Variants in NUP210 observed in about 807,000 individuals in gnomAD.
NUP210 encodes nucleoporin 210.
A neutral mutation model predicts 196.0 loss-of-function variants in NUP210; 151 were observed. The ratio of observed to expected loss-of-function variants is 0.77; its 90% confidence interval spans 0.67 to 0.88. NUP210 has a LOEUF of 0.88. NUP210 is among the 40% of genes least tolerant of loss of function. The probability of loss-of-function intolerance (pLI) is 0.00; values close to 1 mark genes in which losing one functional copy is unlikely to be tolerated. For synonymous variants in NUP210, 1,070 were observed against 1,052.7 expected (o/e 1.02, Z -0.32); for missense variants, 2,314 against 2,493.7 (o/e 0.93, Z 1.53).
chr3:13,319,405 T>TAGGG, intron 37 of NUP210, 80 bp from the exon 38 acceptor site: 1 of 1,187,098 alleles, frequency 8.4e-7, no homozygotes, highest in Non-Finnish European at 1.2e-6. Flanking sequence ...CTACTGTACG[T>TAGGG]CTACAGGGCA....
chr3:13,391,146 G>A (rs1699477226), intron 4 of NUP210, 65 bp downstream of exon 4: 2 of 1,138,886 alleles, frequency 1.8e-6, no homozygotes, highest in Non-Finnish European at 2.6e-6. Flanking sequence ...CTGGTGAGGA[G>A]CTCACAGGTG....
chr3:13,415,066 T>C (rs1576433231), intron 1 of NUP210, among the ~76,000 whole-genome samples: 1 of 152,096 alleles, frequency 6.6e-6, no homozygotes. Flanking sequence ...TGAAACCCTG[T>C]CTCTACTAAA....
chr3:13,419,678 T>G (rs6795838), intron 1 of NUP210, among the ~76,000 whole-genome samples: 98,659 of 152,024 alleles, frequency 0.65, 33,441 homozygotes, highest in African/African-American at 0.85. Context: ...GGTCCCAGAC[T>G]CAAGGGAAGT....
intron 20 of NUP210, among the ~76,000 whole-genome samples, chr3:13,345,451 C>T (rs1697684245): frequency 6.6e-6 from 1 of 152,214 alleles, no homozygotes; most frequent in Admixed American, 6.5e-5. Context: ...AGGCCTCCTG[C>T]AGCCAGAACG....
Position 13,360,490 on chromosome 3 carries a change from G to A in NUP210, c.1934C>T (p.Ala645Val). ...ITIAAYLPLK[A>V]VDPSSVALVT... The stretch of plus-strand genomic sequence containing the variant: ...CAAGGCAACAGAGGAGGGATCCACA[G>A]CCTGGGGACAGAAGAGGCAGAAGAC... The change falls in exon 15 of 40, where the codon GCT becomes GTT. Residue 645 changes from alanine (A) to valine (V), a missense_variant and splice_region_variant. Transcript: ENST00000254508. 3.1e-6 allele frequency: 5 copies of A among 1,606,238 alleles called. No homozygotes were observed. The highest frequency in any genetic ancestry group is 3.4e-6 in the Non-Finnish European group (4 of 1,176,182).
intron 31 of NUP210, among the ~76,000 whole-genome samples, chr3:13,328,073 G>T (rs559679764): frequency 6.6e-6 from 1 of 152,346 alleles, no homozygotes; most frequent in South Asian, 2.1e-4. Flanking sequence ...TGCTGACTAG[G>T]TCTCTATCAG....
intron 1 of NUP210, among the ~76,000 whole-genome samples, chr3:13,413,049 G>A (rs573489634): frequency 2.6e-5 from 4 of 152,090 alleles, no homozygotes; most frequent in African/African-American, 9.6e-5. Flanking sequence ...GGCAGATCAC[G>A]AGGTCAGGAG....
rs1467240558 is a variant in NUP210, at chr3:13,353,907, C to T, written c.2521+8G>A. On this transcript the variant is annotated splice_region_variant and intron_variant, in intron 17 of 39. Transcript: ENST00000254508. ...CTGCCTGGGCCATCAGGCTTGTGCC[C>T]AGCTCACCGTGCAGCTTCTTTTGGC... The T allele has an allele frequency of 5.0e-6, 8 of 1,602,854 alleles. 1 individual carries two copies. Among genetic ancestry groups the T allele is most frequent in the Middle Eastern group, 3.7e-4 (2 of 5,350 alleles).
intron 5 of NUP210, among the ~76,000 whole-genome samples, chr3:13,388,036 T>C (rs1376153655): frequency 6.6e-6 from 1 of 152,144 alleles, no homozygotes; most frequent in African/African-American, 2.4e-5. Flanking sequence ...CCTCCTGCTC[T>C]TGGACCTCCC....
At chr3:13,383,124 G>A (rs1699155961) in intron 6 of NUP210, among the ~76,000 whole-genome samples, 1 of 152,134 alleles carries the variant, frequency 6.6e-6, no homozygotes, top group African/African-American at 2.4e-5. Flanking sequence ...CAACATGGGT[G>A]ACAAAGCAAG....
intron 39 of NUP210, among the ~76,000 whole-genome samples, chr3:13,318,498 G>C (rs75054500): frequency 0.028 from 4,227 of 152,258 alleles, 68 homozygotes; most frequent in South Asian, 0.036. Flanking sequence ...TTGTGTAGGG[G>C]AGAGAACCCT....
At chr3:13,383,253 C>A (rs1699160430) in intron 6 of NUP210, among the ~76,000 whole-genome samples, 1 of 152,172 alleles carries the variant, frequency 6.6e-6, no homozygotes, top group African/African-American at 2.4e-5. Flanking sequence ...GCCAAAACAT[C>A]CATCTGGAAT....
intron 6 of NUP210, among the ~76,000 whole-genome samples, chr3:13,382,584 T>C (rs1314324639): frequency 2.6e-5 from 4 of 151,962 alleles, no homozygotes; most frequent in Non-Finnish European, 4.4e-5. Context: ...GAAATAAAAA[T>C]ACCAAAGAAG....
At position 13,319,725 on chromosome 3, in the gene NUP210, T is replaced by G. The variant is rs1005790680; in HGVS notation, c.5383+38A>C. On this transcript the variant is annotated intron_variant, in intron 37 of 39. Coordinates refer to ENST00000254508, the MANE Select transcript of NUP210 (RefSeq NM_024923.4). ...GACCACTCCTGCCTGTCCCTCCCCA[T>G]CCTGGTCTGTCCCAGATGATGTCGT... 4 of 1,583,428 alleles carry G rather than the reference T, an allele frequency of 2.5e-6. No homozygotes were observed. The African/African-American group carries it at 5.4e-5, about 21-fold the overall frequency.
In NUP210 at chr3:13,340,134, T is replaced by A; in HGVS notation, c.3292-101A>T. On this transcript the variant is annotated intron_variant, in intron 24 of 39. Coordinates refer to ENST00000254508, the MANE Select transcript of NUP210 (RefSeq NM_024923.4). The surrounding 1 kb of genome is among the most constrained non-coding windows in gnomAD (Gnocchi z 4.0). ...GGCCCCAGTGCAGGCAGCTTCTGCC[T>A]TCTTCTCCCAGTCACTGCACGCAGG... 6.2e-7 allele frequency: 1 copy of A among 1,601,856 alleles called. No individual in the cohort carries two copies. The highest frequency in any genetic ancestry group is 8.5e-7 in the Non-Finnish European group (1 of 1,171,716).
intron 25 of NUP210, 50 bp from the exon 26 acceptor site, chr3:13,337,967 G>C: frequency 6.4e-7 from 1 of 1,552,226 alleles, no homozygotes; most frequent in Non-Finnish European, 8.8e-7. Context: ...GCTGGCCAGG[G>C]ATGTTTCAGG....
At chr3:13,332,796 A>C (rs1177931420) in intron 28 of NUP210, among the ~76,000 whole-genome samples, 1 of 152,076 alleles carries the variant, frequency 6.6e-6, no homozygotes, top group Non-Finnish European at 1.5e-5. Context: ...GTGTAGTCTA[A>C]TGGGAGCTCC....
chr3:13,405,552 T>C (rs1699978696), intron 1 of NUP210, among the ~76,000 whole-genome samples: 2 of 152,150 alleles, frequency 1.3e-5, no homozygotes, highest in Non-Finnish European at 2.9e-5. Flanking sequence ...ATTGAATATA[T>C]GCATATGAGC....
At chr3:13,358,089 G>T in intron 16 of NUP210, 133 bp downstream of exon 16, 1 of 757,300 alleles carries the variant, frequency 1.3e-6, no homozygotes, top group Non-Finnish European at 2.1e-6. Context: ...CACAGGGCCA[G>T]TTGTTGAGAC....
Sources: gnomAD v4.1 joint callset for allele counts (sites outside exome capture counted in the v4.1 genomes callset) on GRCh38, gnomAD v4.1.1 for gene constraint, Gnocchi (gnomAD v3.1) non-coding constraint, MANE v1.5 for transcripts, NCBI Gene and HGNC (gene_info 2026-07-23, HGNC 2026-07-21) for gene names.